RBX1: variants seen among roughly 807,000 people sequenced by gnomAD.
The protein encoded by RBX1 is ring-box 1.
For synonymous variants in RBX1, 48 were observed against 47.9 expected, an observed-to-expected ratio of 1.00 and a Z score of -0.01; for missense variants, 46 against 141.4, an observed-to-expected ratio of 0.33 and a Z score of 3.42.
chr22:40,955,193 A>T (rs544892220), intron 2 of RBX1, among the ~76,000 whole-genome samples: 2 of 151,334 alleles, frequency 1.3e-5, no homozygotes, highest in East Asian at 3.9e-4. Context: ...GTTTTGTCTA[A>T]CCCAGCACTG....
At chr22:40,957,887 C>G (rs1462120575) in intron 2 of RBX1, among the ~76,000 whole-genome samples, 1 of 151,908 alleles carries the variant, frequency 6.6e-6, no homozygotes, top group Non-Finnish European at 1.5e-5. Context: ...TGCAGTGGCA[C>G]GATCTCGGCT....
chr22:40,965,265 T>G (rs1481473491), intron 3 of RBX1, among the ~76,000 whole-genome samples: 2 of 151,244 alleles, frequency 1.3e-5, no homozygotes, highest in Non-Finnish European at 1.5e-5. Context: ...ACCACACCAC[T>G]GCACTCCAGC....
chr22:40,962,495 CTTTT>C (rs767224631), intron 2 of RBX1, among the ~76,000 whole-genome samples: 1 of 132,598 alleles, frequency 7.5e-6, no homozygotes. Context: ...AATAGTTTTA[CTTTT>C]TTTTTTTTTT....
chr22:40,962,977 T>C (rs2146301140), intron 2 of RBX1, among the ~76,000 whole-genome samples: 1 of 150,690 alleles, frequency 6.6e-6, no homozygotes, highest in Admixed American at 6.7e-5. Flanking sequence ...ATTACAGGAG[T>C]GAGCCATCGC....
intron 3 of RBX1, chr22:40,967,025 C>T (rs2058356162): frequency 6.6e-6 from 1 of 152,144 alleles, no homozygotes; most frequent in Non-Finnish European, 1.5e-5. Flanking sequence ...TACCAGTGTT[C>T]TTGATACTCT....
At chr22:40,954,843 G>A (rs1419523953) in intron 2 of RBX1, among the ~76,000 whole-genome samples, 1 of 151,822 alleles carries the variant, frequency 6.6e-6, no homozygotes, top group Admixed American at 6.6e-5. Context: ...TTGGAGTGCA[G>A]TGGCGTGATC....
chr22:40,970,396 T>C (rs2058366007), intron 4 of RBX1, among the ~76,000 whole-genome samples: 1 of 151,606 alleles, frequency 6.6e-6, no homozygotes, highest in Non-Finnish European at 1.5e-5. Context: ...TGATAAATAG[T>C]GTCAGGTTTT....
intron 2 of RBX1, among the ~76,000 whole-genome samples, chr22:40,957,894 G>A (rs549055967): frequency 3.2e-4 from 49 of 151,742 alleles, no homozygotes; most frequent in Non-Finnish European, 5.7e-4. Context: ...GCACGATCTC[G>A]GCTTACTGCA....
intron 4 of RBX1, among the ~76,000 whole-genome samples, chr22:40,971,051 A>G (rs1437427572): frequency 6.6e-6 from 1 of 152,188 alleles, no homozygotes; most frequent in Admixed American, 6.5e-5. Flanking sequence ...AGGACTTTTC[A>G]TAGTTTTCAG....
chr22:40,962,651 A>G (rs2058344148), intron 2 of RBX1, among the ~76,000 whole-genome samples: 1 of 150,016 alleles, frequency 6.7e-6, no homozygotes, highest in Non-Finnish European at 1.5e-5. Context: ...GCCCACCACC[A>G]CACACACCTG....
At chr22:40,961,936 C>T (rs1294720709) in intron 2 of RBX1, among the ~76,000 whole-genome samples, 2 of 152,030 alleles carry the variant, frequency 1.3e-5, no homozygotes, top group East Asian at 3.9e-4. Flanking sequence ...AGATATCCAC[C>T]ACCATGCCTG....
intron 4 of RBX1, among the ~76,000 whole-genome samples, chr22:40,970,662 T>C (rs770284946): frequency 1.8e-4 from 27 of 152,192 alleles, no homozygotes; most frequent in Admixed American, 4.6e-4. Flanking sequence ...GAATTATTGG[T>C]CATTTTCTTT....
intron 2 of RBX1, among the ~76,000 whole-genome samples, chr22:40,959,583 C>T (rs1464743525): frequency 2.0e-5 from 3 of 152,032 alleles, no homozygotes; most frequent in Non-Finnish European, 2.9e-5. Flanking sequence ...GGCCAGGACG[C>T]GTGGATCGTG....
chr22:40,963,908 G>C, intron 2 of RBX1, 139 bp from the exon 3 acceptor site: 1 of 657,682 alleles, frequency 1.5e-6, no homozygotes, highest in Non-Finnish European at 2.8e-6. Context: ...TGTTATCTCT[G>C]TCTTCTCTGT....
Position 40,966,379 on chromosome 22 carries a change from G to A in RBX1, c.229-1420G>A, listed in dbSNP as rs192153330. 2.1e-3 allele frequency: 326 copies of A among 152,326 alleles called. 1 individual carries two copies. Among genetic ancestry groups the A allele is most frequent in the Non-Finnish European group, 3.8e-3 (257 of 68,044 alleles). 9.4% of individuals were successfully genotyped at this position (152,326 alleles called of 1,614,324 possible). On this transcript the variant is annotated intron_variant, in intron 3 of 4. Coordinates refer to ENST00000216225, the MANE Select transcript of RBX1 (RefSeq NM_014248.4). ...CTTAGTTGGGCTCTACCAGGACACC[G>A]TACTGCTGCAAAGTGCTCAGTGGGT...
At chr22:40,963,990 A>G in intron 2 of RBX1, 57 bp from the exon 3 acceptor site, 5 of 1,319,880 alleles carry the variant, frequency 3.8e-6, no homozygotes, top group Non-Finnish European at 5.5e-6. Flanking sequence ...TGGCTGCTAT[A>G]GATTGAAACG....
chr22:40,961,044 A>T (rs1009661185), intron 2 of RBX1, among the ~76,000 whole-genome samples: 1 of 148,130 alleles, frequency 6.8e-6, no homozygotes, highest in Admixed American at 6.7e-5. Flanking sequence ...GATTACAGAC[A>T]TGAGCCACCA....
chr22:40,971,066 C>T (rs1458301817), intron 4 of RBX1, among the ~76,000 whole-genome samples: 1 of 152,106 alleles, frequency 6.6e-6, no homozygotes, highest in Non-Finnish European at 1.5e-5. Flanking sequence ...TTTCAGGGGG[C>T]CTTTGTAATT....
At chr22:40,954,839 T>G (rs1020943178) in intron 2 of RBX1, among the ~76,000 whole-genome samples, 10 of 151,668 alleles carry the variant, frequency 6.6e-5, no homozygotes, top group Non-Finnish European at 1.3e-4. Flanking sequence ...CAGGTTGGAG[T>G]GCAGTGGCGT....
Sources: allele counts gnomAD v4.1 joint callset (sites outside exome capture counted in the v4.1 genomes callset), GRCh38; gene constraint gnomAD v4.1.1; transcripts MANE v1.5; gene names NCBI Gene and HGNC (gene_info 2026-07-23, HGNC 2026-07-21).